WNT11: variants seen among roughly 807,000 people sequenced by gnomAD.
WNT11 encodes Wnt family member 11, also known as protein Wnt-11.
WNT11 carries 20 observed loss-of-function variants against 35.6 expected under a neutral mutation model. The observed-to-expected ratio is 0.56, with a 90% CI of 0.40 to 0.82. WNT11 has a LOEUF of 0.82. WNT11 is among the 40% of genes least tolerant of loss of function. WNT11 has a pLI of 0.00. For synonymous variants in WNT11, 200 were observed against 211.9 expected (o/e 0.94, Z 0.49); for missense variants, 459 against 504.4 (o/e 0.91, Z 0.86).
At position 76,194,406 on chromosome 11, in the gene WNT11, C is replaced by T. The variant is rs962736638; in HGVS notation, c.597+161G>A. ...AGCGACACAAGCCCCAAGCAGCTGG[C>T]GAGGGAAGGGCTGAGGATGAGGATG... On this transcript the variant is annotated intron_variant, in intron 3 of 4. Transcript: ENST00000322563. This position sits in a 1 kb window ranked among gnomAD's most constrained non-coding sequence, Gnocchi z 5.4. Among the ~76,000 whole-genome samples the T allele has an allele frequency of 7.2e-5, 11 of 151,864 alleles. No homozygotes were observed. The highest frequency in any genetic ancestry group is 2.0e-4 in the Admixed American group (3 of 15,248).
At chr11:76,187,303 A>C in intron 4 of WNT11, 64 bp from the exon 5 acceptor site, 2 of 1,459,278 alleles carry the variant, frequency 1.4e-6, no homozygotes, top group Non-Finnish European at 1.8e-6. Flanking sequence ...ACACCCCATG[A>C]CTCCCAGCCA....
rs146793399 is a variant in WNT11 at position 76,205,872 on chromosome 11, C to T, written c.83+453G>A. Among the ~76,000 whole-genome samples the T allele has an allele frequency of 5.3e-5, 8 of 152,276 alleles. No individual in the cohort carries two copies. In the East Asian group the frequency reaches 1.4e-3, roughly 26 times the overall value. ...CCCGTGACAGAGGAGGACAAGGAGGCCCCAAGAAGTAGAGTGACACTTTCC... is the reference window on the plus strand; with the variant it reads ...CCCGTGACAGAGGAGGACAAGGAGGTCCCAAGAAGTAGAGTGACACTTTCC... On this transcript the variant is annotated intron_variant, in intron 1 of 4. Transcript: ENST00000322563.
At chr11:76,207,298 G>A (rs1227758792), upstream of WNT11, among the ~76,000 whole-genome samples, 1 of 152,226 alleles carries the variant, frequency 6.6e-6, no homozygotes, top group Non-Finnish European at 1.5e-5. Context: ...GGGAGGCGGA[G>A]GTTGCAGCGA....
At chr11:76,192,375 GAGGAGGGT>G (rs1461402621) in intron 3 of WNT11, among the ~76,000 whole-genome samples, 3 of 152,202 alleles carry the variant, frequency 2.0e-5, no homozygotes, top group Non-Finnish European at 4.4e-5. Context: ...GGAAGGAAGG[GAGGAGGGT>G]AGGAAGGGGA....
chr11:76,194,519 C>T lies in WNT11; in HGVS notation c.597+48G>A. The T allele has an allele frequency of 7.0e-7, 1 of 1,433,228 alleles. No individual in the cohort carries two copies. The highest frequency in any genetic ancestry group is 9.1e-7 in the Non-Finnish European group (1 of 1,093,932). 88.8% of individuals were successfully genotyped at this position (1,433,228 alleles called of 1,614,324 possible). A position where few individuals can be genotyped will look rare whatever the true frequency, so the allele number is the denominator to read the frequency against. ...GCAAGCTGGGTGGCCCTTTTCTGGC[C>T]AATGGCACAAGCACAACTATCTGGG... On this transcript the variant is annotated intron_variant, in intron 3 of 4. Transcript: ENST00000322563. This position sits in a 1 kb window ranked among gnomAD's most constrained non-coding sequence, Gnocchi z 5.4.
At chr11:76,187,684 A>G (rs536618333) in intron 4 of WNT11, among the ~76,000 whole-genome samples, 1 of 151,706 alleles carries the variant, frequency 6.6e-6, no homozygotes, top group African/African-American at 2.4e-5. Context: ...GAATCCCACT[A>G]TATTGCTCAG....
chr11:76,206,531 A>G, upstream of WNT11: 1 of 1,225,108 alleles, frequency 8.2e-7, no homozygotes, highest in Non-Finnish European at 1.0e-6. Flanking sequence ...CGGCGGGTTA[A>G]GGCGGCGCGC....
At chr11:76,203,009 A>G (rs1244519887) in intron 1 of WNT11, among the ~76,000 whole-genome samples, 1 of 152,260 alleles carries the variant, frequency 6.6e-6, no homozygotes, top group African/African-American at 2.4e-5. Flanking sequence ...TTGCAAAGGT[A>G]AAGCCCTAAC....
intron 1 of WNT11, among the ~76,000 whole-genome samples, chr11:76,200,431 C>T (rs1014207616): frequency 3.3e-5 from 5 of 152,218 alleles, no homozygotes; most frequent in East Asian, 1.9e-4. Flanking sequence ...GTGTGTTTCC[C>T]GGTTGTCAAC....
At chr11:76,201,504 C>T (rs1298036545) in intron 1 of WNT11, among the ~76,000 whole-genome samples, 1 of 152,184 alleles carries the variant, frequency 6.6e-6, no homozygotes, top group East Asian at 1.9e-4. Context: ...CCAACAGACC[C>T]CTAATTGGAA....
intron 4 of WNT11, among the ~76,000 whole-genome samples, chr11:76,190,493 G>A (rs1015472033): frequency 6.6e-6 from 1 of 152,120 alleles, no homozygotes; most frequent in African/African-American, 2.4e-5. Flanking sequence ...CTGTGGGGAT[G>A]CAGCCCCCCA....
chr11:76,206,634 C>CG, upstream of WNT11: 1 of 897,294 alleles, frequency 1.1e-6, no homozygotes, highest in East Asian at 4.2e-5. Context: ...TCCGCCCGGC[C>CG]GGGGGACGCG....
chr11:76,209,000 G>T (rs1021862176), upstream of WNT11, among the ~76,000 whole-genome samples: 1 of 152,200 alleles, frequency 6.6e-6, no homozygotes, highest in Non-Finnish European at 1.5e-5. Flanking sequence ...GGGGAATCGC[G>T]GCTGCCTCCT....
chr11:76,191,507 G>C (rs1314579810), intron 4 of WNT11, 57 bp downstream of exon 4: 1 of 1,562,012 alleles, frequency 6.4e-7, no homozygotes. Flanking sequence ...CCTGAGCTGG[G>C]GAACAGTATG....
At chr11:76,205,843 C>T (rs1953463654) in intron 1 of WNT11, among the ~76,000 whole-genome samples, 1 of 152,168 alleles carries the variant, frequency 6.6e-6, no homozygotes, top group Non-Finnish European at 1.5e-5. Flanking sequence ...GGGAGTCTCA[C>T]CCTCCCGTGA....
In WNT11 at chr11:76,186,945, C is replaced by T; in HGVS notation, c.*120G>A. ...TGAAGGCAAAGCACAAGCCGCCTCCCATGCCTGGCATCTGGAATTCACAAG... is the reference window on the plus strand; with the variant it reads ...TGAAGGCAAAGCACAAGCCGCCTCCTATGCCTGGCATCTGGAATTCACAAG... On this transcript the variant is annotated 3_prime_UTR_variant, in exon 5 of 5. Transcript: ENST00000322563. The T allele has an allele frequency of 4.7e-6, 7 of 1,488,998 alleles. No homozygotes were observed. Among genetic ancestry groups the T allele is most frequent in the Non-Finnish European group, 5.5e-6 (6 of 1,097,552 alleles). The allele number at this position is 1,488,998 out of a possible 1,614,324, so 92.2% of individuals were successfully genotyped here.
upstream of WNT11, among the ~76,000 whole-genome samples, chr11:76,209,300 C>G (rs1953522452): frequency 2.0e-5 from 3 of 150,842 alleles, no homozygotes; most frequent in East Asian, 1.9e-4. Flanking sequence ...GAGAACACCA[C>G]GAGCGCAGCG....
At position 76,186,817 on chromosome 11, in the gene WNT11, C is replaced by T. The variant is rs956713064; in HGVS notation, c.*248G>A. ...TCCTTACACCAGCCTGTGGGCACTC[C>T]AGAGCCTCAGGCTGCCAAGTTATTT... is the stretch of plus-strand genomic sequence containing the variant. On this transcript the variant is annotated 3_prime_UTR_variant, in exon 5 of 5. Coordinates refer to ENST00000322563, the MANE Select transcript of WNT11 (RefSeq NM_004626.3). The T allele has an allele frequency of 1.6e-5, 10 of 631,138 alleles. No homozygotes were observed. Among genetic ancestry groups the T allele is most frequent in the Non-Finnish European group, 2.3e-5 (8 of 344,458 alleles). 39.1% of individuals were successfully genotyped at this position (631,138 alleles called of 1,614,324 possible). A position where few individuals can be genotyped will look rare whatever the true frequency, so the allele number is the denominator to read the frequency against.
chr11:76,188,028 C>T (rs976911193), intron 4 of WNT11, among the ~76,000 whole-genome samples: 3 of 152,214 alleles, frequency 2.0e-5, no homozygotes, highest in Admixed American at 6.5e-5. Context: ...CCACCACACA[C>T]AGCCATATTT....
Sources: allele counts gnomAD v4.1 joint callset (sites outside exome capture counted in the v4.1 genomes callset), GRCh38; gene constraint gnomAD v4.1.1; non-coding constraint Gnocchi (gnomAD v3.1); transcripts MANE v1.5; gene names NCBI Gene and HGNC (gene_info 2026-07-23, HGNC 2026-07-21).